The following PROSER2 variants were observed in gnomAD, a reference collection of about 807,000 sequenced individuals.
PROSER2 encodes proline and serine-rich protein 2.
In PROSER2, 18 loss-of-function variants were observed where a neutral mutation model predicts 14.6. The ratio of observed to expected loss-of-function variants is 1.23; its 90% CI spans 0.85 to 1.83. PROSER2 has a LOEUF of 1.83. Among genes scored for constraint, PROSER2 ranks in the 40% most tolerant of loss-of-function variants. PROSER2 has a pLI of 0.00. For synonymous variants in PROSER2, 367 were observed against 286.4 expected (o/e 1.28, Z -2.84); for missense variants, 823 against 629.8 (o/e 1.31, Z -3.28).
At chr10:11,825,931 C>T (rs1171280496) in intron 1 of PROSER2, among the ~76,000 whole-genome samples, 3 of 152,292 alleles carry the variant, frequency 2.0e-5, no homozygotes, top group Admixed American at 1.3e-4. Flanking sequence ...AAATCAGTGG[C>T]ATTAAGTACA....
intron 1 of PROSER2, among the ~76,000 whole-genome samples, chr10:11,828,800 G>A (rs971339909): frequency 2.0e-5 from 3 of 152,184 alleles, no homozygotes; most frequent in Non-Finnish European, 4.4e-5. Context: ...GGTGACTAAG[G>A]CAGTGTGGGC....
Position 11,869,950 on chromosome 10 carries a change from G to C in PROSER2, c.852G>C (p.Gln284His), listed in dbSNP as rs1224546922. ...TCAGCGTGCAGGAGCGCAGGGCGCA[G>C]GTGTTGGCCACCATCCACGGCCACG... ...AAVSVQERRA[Q>H]VLATIHGHAG... is the part of the protein sequence containing the mutation. The change falls in exon 4 of 4, where the codon CAG (glutamine) becomes CAC (histidine). Residue 284 changes from glutamine to histidine, a missense_variant. By Grantham distance (24) the Gln-to-His change is conservative. Coordinates refer to ENST00000277570, the MANE Select transcript of PROSER2 (RefSeq NM_153256.4). This position sits in a 1 kb window ranked among gnomAD's most constrained non-coding sequence, Gnocchi z 4.4. 3 of 1,464,222 alleles carry C rather than the reference G, an allele frequency of 2.0e-6. No individual in the cohort carries two copies. The highest frequency in any genetic ancestry group is 5.3e-5 in the Admixed American group (2 of 37,834). The allele number at this position is 1,464,222 out of a possible 1,614,324, so 90.7% of individuals were successfully genotyped here. A position where few individuals can be genotyped will look rare whatever the true frequency, so the allele number is the denominator to read the frequency against.
At position 11,866,598 on chromosome 10, in the gene PROSER2, T is replaced by A. The variant is rs530031859; in HGVS notation, c.206T>A (p.Ile69Asn). The change falls in exon 3 of 4, where the codon ATT becomes AAT. Residue 69 changes from isoleucine (I) to asparagine (N), a missense_variant. Ile to Asn is a moderately radical substitution (Grantham distance 149). Coordinates refer to ENST00000277570, the MANE Select transcript of PROSER2 (RefSeq NM_153256.4). This position sits in a 1 kb window ranked among gnomAD's most constrained non-coding sequence, Gnocchi z 6.0. ...KDVLLFFEET[I>N]DSLDEDFEEP... ...GTGCTCCTGTTTTTTGAAGAGACGA[T>A]TGACTCCCTAGACGAGGACTTTGAG... The A allele has an allele frequency of 6.2e-7, 1 of 1,614,180 alleles. No individual in the cohort carries two copies. The highest frequency in any genetic ancestry group is 8.5e-7 in the Non-Finnish European group (1 of 1,180,030).
Position 11,870,130 on chromosome 10 carries a change from C to A in PROSER2, c.1032C>A (p.Gly344=). ...CGCGGGGCCCGGCGCTGGCCAACGG[C>A]TTCCCAAGTGCGCACGAGGCCCTGA... ...QAPRGPALAN[G]FPSAHEALKS... is the part of the protein sequence containing the mutation. The change falls in exon 4 of 4, where the codon GGC becomes GGA. Residue 344 remains glycine (G), a synonymous_variant. Transcript: ENST00000277570. 7.2e-7 allele frequency: 1 copy of A among 1,382,638 alleles called. No homozygotes were observed. The highest frequency in any genetic ancestry group is 1.6e-5 in the South Asian group (1 of 63,130). The allele number at this position is 1,382,638 out of a possible 1,614,324, so 85.6% of individuals were successfully genotyped here.
At chr10:11,857,637 C>T (rs1244637621) in intron 2 of PROSER2, among the ~76,000 whole-genome samples, 3 of 150,252 alleles carry the variant, frequency 2.0e-5, no homozygotes, top group Non-Finnish European at 4.4e-5. Context: ...CCCAGCTGCT[C>T]CGGAGGCTGA....
rs1834270078 is a variant in PROSER2, at chr10:11,862,843, A to G, written c.139-3688A>G. The G allele has an allele frequency of 6.6e-6, 1 of 152,218 alleles. No homozygotes were observed. 9.4% of individuals were successfully genotyped at this position (152,218 alleles called of 1,614,324 possible). A position where few individuals can be genotyped will look rare whatever the true frequency, so the allele number is the denominator to read the frequency against. The stretch of plus-strand genomic sequence containing the variant: ...TGTATTATGGAGAAAAAAAAGCTCA[A>G]CATCATTAGTCTTCGTGGAAATGAC... On this transcript the variant is annotated intron_variant, in intron 2 of 3. Transcript: ENST00000277570. This position sits in a 1 kb window ranked among gnomAD's most constrained non-coding sequence, Gnocchi z 4.2.
chr10:11,824,755 TC>T (rs1320487918), intron 1 of PROSER2, among the ~76,000 whole-genome samples: 11 of 152,240 alleles, frequency 7.2e-5, no homozygotes, highest in Non-Finnish European at 1.3e-4. Flanking sequence ...AAATGAGCTT[TC>T]TTTGAAAATT....
At chr10:11,853,407 G>A (rs915659483) in intron 2 of PROSER2, among the ~76,000 whole-genome samples, 1 of 152,178 alleles carries the variant, frequency 6.6e-6, no homozygotes, top group African/African-American at 2.4e-5. Context: ...GGCCAACATG[G>A]TGAAACCCCG....
chr10:11,848,712 A>C (rs1031683233), intron 1 of PROSER2, among the ~76,000 whole-genome samples: 2 of 151,998 alleles, frequency 1.3e-5, no homozygotes. Context: ...TCATCCCCCC[A>C]GTTTGCACCT....
In PROSER2 at chr10:11,870,235, C is replaced by G; in HGVS notation, c.1137C>G (p.Ala379=). ...RPGPALPSTR[A]RQSFPGPRQP... ...GCCCGGCCCTGCCCAGCACGCGGGCCCGTCAGAGCTTCCCCGGGCCCCGGC... is the reference window on the plus strand; with the variant it reads ...GCCCGGCCCTGCCCAGCACGCGGGCGCGTCAGAGCTTCCCCGGGCCCCGGC... Residue 379 remains alanine, a synonymous_variant, in exon 4 of 4, where the codon GCC becomes GCG. Coordinates refer to ENST00000277570, the MANE Select transcript of PROSER2 (RefSeq NM_153256.4). 4.7e-6 allele frequency: 7 copies of G among 1,488,632 alleles called. No homozygotes were observed. Among genetic ancestry groups the G allele is most frequent in the Non-Finnish European group, 6.2e-6 (7 of 1,127,062 alleles). 92.2% of individuals were successfully genotyped at this position (1,488,632 alleles called of 1,614,324 possible).
In PROSER2 at chr10:11,870,111, G is replaced by T; in HGVS notation, c.1013G>T (p.Gly338Val). ...SLRAGGQAPR[G>V]PALANGFPSA... ...CGGGCAGGGGGTCAGGCTCCGCGGG[G>T]CCCGGCGCTGGCCAACGGCTTCCCA... is the stretch of plus-strand genomic sequence containing the variant. The change falls in exon 4 of 4, where the codon GGC (glycine) becomes GTC (valine). Residue 338 changes from glycine (G) to valine (V), a missense_variant. By Grantham distance (109) the Gly-to-Val change is moderately radical. Transcript: ENST00000277570. 1 of 1,346,820 alleles carries T rather than the reference G, an allele frequency of 7.4e-7. No homozygotes were observed. Among genetic ancestry groups the T allele is most frequent in the Non-Finnish European group, 9.5e-7 (1 of 1,053,068 alleles). 83.4% of individuals were successfully genotyped at this position (1,346,820 alleles called of 1,614,324 possible).
rs1833798971 is a variant in PROSER2 at position 11,838,975 on chromosome 10, C to G, written c.-81-13022C>G. Among the ~76,000 whole-genome samples the G allele has an allele frequency of 6.6e-6, 1 of 152,142 alleles. No homozygotes were observed. Among genetic ancestry groups the G allele is most frequent in the African/African-American group, 2.4e-5 (1 of 41,428 alleles). ...ATGGTGTCCTTAATTTTTATGTAGA[C>G]AGATGCATTGAAATTTTCACCTTAT... On this transcript the variant is annotated intron_variant, in intron 1 of 3. Transcript: ENST00000277570. This position sits in a 1 kb window ranked among gnomAD's most constrained non-coding sequence, Gnocchi z 4.4.
rs1248390522 is a variant in PROSER2 at position 11,868,002 on chromosome 10, C to T, written c.391+1219C>T. Among the ~76,000 whole-genome samples the T allele has an allele frequency of 2.0e-5, 3 of 152,214 alleles. No individual in the cohort carries two copies. In the East Asian group the frequency reaches 5.8e-4, roughly 29 times the overall value. ...TGTACACGTGTGTACACATGTATGTCTTTCAAGCAAGGCTATGTATTACTC... is the reference window on the plus strand; with the variant it reads ...TGTACACGTGTGTACACATGTATGTTTTTCAAGCAAGGCTATGTATTACTC... On this transcript the variant is annotated intron_variant, in intron 3 of 3. Coordinates refer to ENST00000277570, the MANE Select transcript of PROSER2 (RefSeq NM_153256.4).
At chr10:11,859,150 G>A (rs1834186679) in intron 2 of PROSER2, among the ~76,000 whole-genome samples, 1 of 149,866 alleles carries the variant, frequency 6.7e-6, no homozygotes. Context: ...GGCCAAGCAT[G>A]GTGGCTCATG....
chr10:11,839,033 A>G (rs1393798188), intron 1 of PROSER2, among the ~76,000 whole-genome samples: 1 of 152,248 alleles, frequency 6.6e-6, no homozygotes, highest in Non-Finnish European at 1.5e-5. Context: ...ATGAATAGAA[A>G]GATTAATAGA....
intron 1 of PROSER2, among the ~76,000 whole-genome samples, chr10:11,840,474 G>A (rs990802248): frequency 6.6e-6 from 1 of 151,810 alleles, no homozygotes; most frequent in African/African-American, 2.4e-5. Flanking sequence ...TACAATCTTG[G>A]GATTAACTCT....
Position 11,852,126 on chromosome 10 carries a change from AC to A in PROSER2, c.50del (p.Thr17SerfsTer35). 6.2e-7 allele frequency: 1 copy of A among 1,613,826 alleles called. No homozygotes were observed. Among genetic ancestry groups the A allele is most frequent in the Non-Finnish European group, 8.5e-7 (1 of 1,179,920 alleles). On this transcript the variant is annotated frameshift_variant, in exon 2 of 4. Coordinates refer to ENST00000277570, the MANE Select transcript of PROSER2 (RefSeq NM_153256.4). LOFTEE classifies it high-confidence loss of function. ...AGACGCATCTGACATGAACTCAGACACGTCCCCCAGCTGCAGGCTCCGAGCC... is the reference window on the plus strand; with the variant it reads ...AGACGCATCTGACATGAACTCAGACAGTCCCCCAGCTGCAGGCTCCGAGCC... The part of the protein sequence containing the change: ...KSDASDMNSD[T>X]SPSCRLRAFS...
chr10:11,829,684 A>G (rs1209595859), intron 1 of PROSER2, among the ~76,000 whole-genome samples: 3 of 129,690 alleles, frequency 2.3e-5, no homozygotes, highest in South Asian at 5.0e-4. Flanking sequence ...TTTATATGCC[A>G]CAAATTGCCC....
At chr10:11,824,963 C>T (rs1018736718) in intron 1 of PROSER2, among the ~76,000 whole-genome samples, 10 of 152,078 alleles carry the variant, frequency 6.6e-5, no homozygotes, top group African/African-American at 9.7e-5. Flanking sequence ...GTAGACTGAC[C>T]ACCTACAGCG....
Sources: allele counts gnomAD v4.1 joint callset (sites outside exome capture counted in the v4.1 genomes callset), GRCh38; gene constraint gnomAD v4.1.1; non-coding constraint Gnocchi (gnomAD v3.1); transcripts MANE v1.5; gene names NCBI Gene and HGNC (gene_info 2026-07-23, HGNC 2026-07-21).